The following SGCZ variants were observed in gnomAD, a reference collection of about 807,000 sequenced individuals.
SGCZ encodes the protein sarcoglycan zeta, also known as zeta-sarcoglycan.
In SGCZ, 40 loss-of-function variants were observed where a neutral mutation model predicts 41.3. The ratio of observed to expected loss-of-function variants is 0.97; its 90% CI spans 0.75 to 1.26. SGCZ has a LOEUF of 1.26. Ranked by LOEUF, SGCZ falls within the 50% of genes most tolerant of loss-of-function variation. The pLI is 0.00. For synonymous variants in SGCZ, 206 were observed against 137.5 expected, an observed-to-expected ratio of 1.50 and a Z score of -3.49; for missense variants, 552 against 369.8, an observed-to-expected ratio of 1.49 and a Z score of -4.04.
In SGCZ at chr8:14,741,570, T is replaced by C. The variant is rs142462889; in HGVS notation, c.40-186644A>G. ...TTACATTCAAAACATTAACAAGCTG[T>C]TATTTTACAGAACTGCTAAATGTAT... On this transcript the variant is annotated intron_variant, in intron 1 of 7. Coordinates refer to ENST00000382080, the MANE Select transcript of SGCZ (RefSeq NM_139167.4). Among the ~76,000 whole-genome samples, 457 of 152,228 alleles carry C rather than the reference T, an allele frequency of 3.0e-3. 2 individuals carry two copies. The highest frequency in any genetic ancestry group is 0.01 in the African/African-American group (434 of 41,574).
chr8:14,210,180 C>T (rs1805756344), intron 4 of SGCZ, among the ~76,000 whole-genome samples: 1 of 152,270 alleles, frequency 6.6e-6, no homozygotes, highest in South Asian at 2.1e-4. Flanking sequence ...GCCTCAGCCT[C>T]CCAAGTAGCT....
chr8:14,682,526 C>G (rs1808481345), intron 1 of SGCZ, among the ~76,000 whole-genome samples: 1 of 151,666 alleles, frequency 6.6e-6, no homozygotes, highest in South Asian at 2.1e-4. Flanking sequence ...TCTCCGCCTC[C>G]CGGGTTCACG....
chr8:14,613,426 A>G (rs898425085), intron 1 of SGCZ, among the ~76,000 whole-genome samples: 2 of 152,168 alleles, frequency 1.3e-5, no homozygotes, highest in African/African-American at 4.8e-5. Flanking sequence ...TCTTAGATAA[A>G]ATCTATAAAT....
intron 1 of SGCZ, among the ~76,000 whole-genome samples, chr8:15,153,205 G>C (rs1799231737): frequency 6.6e-6 from 1 of 152,074 alleles, no homozygotes; most frequent in Admixed American, 6.6e-5. Flanking sequence ...AAAGCCATCA[G>C]GGATTAATTC....
intron 1 of SGCZ, among the ~76,000 whole-genome samples, chr8:14,618,943 G>T (rs993448633): frequency 6.6e-6 from 1 of 152,114 alleles, no homozygotes; most frequent in African/African-American, 2.4e-5. Flanking sequence ...AATAGGAAGA[G>T]AACATGTTTT....
intron 1 of SGCZ, among the ~76,000 whole-genome samples, chr8:15,112,274 C>T (rs1807098898): frequency 1.3e-5 from 2 of 152,148 alleles, no homozygotes; most frequent in Admixed American, 1.3e-4. Flanking sequence ...CTTTAATTTC[C>T]CTTCATGATT....
In SGCZ at chr8:14,327,570, T is replaced by C. The variant is rs548263519; in HGVS notation, c.235-3366A>G. On this transcript the variant is annotated intron_variant, in intron 2 of 7. Coordinates refer to ENST00000382080, the MANE Select transcript of SGCZ (RefSeq NM_139167.4). ...ATTTCAATATTAATACTAAAAAATGTTCTGATGAGATGGCTGGAAATAAGA... is the reference window on the plus strand; with the variant it reads ...ATTTCAATATTAATACTAAAAAATGCTCTGATGAGATGGCTGGAAATAAGA... 8.3e-4 allele frequency among the ~76,000 whole-genome samples: 126 copies of C among 152,196 alleles called. 1 individual carries two copies. Among genetic ancestry groups the C allele is most frequent in the Non-Finnish European group, 7.6e-4 (52 of 68,040 alleles).
At chr8:14,387,096 A>G (rs1168298656) in intron 2 of SGCZ, among the ~76,000 whole-genome samples, 1 of 152,172 alleles carries the variant, frequency 6.6e-6, no homozygotes, top group Non-Finnish European at 1.5e-5. Flanking sequence ...ACAGGGTCTC[A>G]CTCTTTGGCT....
At chr8:14,843,248 T>C (rs1802987987) in intron 1 of SGCZ, among the ~76,000 whole-genome samples, 1 of 152,078 alleles carries the variant, frequency 6.6e-6, no homozygotes, top group Non-Finnish European at 1.5e-5. Flanking sequence ...TCTATGTACA[T>C]AGATATTTTA....
chr8:15,107,556 G>C (rs1372608723), intron 1 of SGCZ, among the ~76,000 whole-genome samples: 1 of 152,152 alleles, frequency 6.6e-6, no homozygotes, highest in East Asian at 1.9e-4. Context: ...ACCATGACTA[G>C]AATCAGCATG....
At chr8:14,491,170 G>A (rs186012248) in intron 2 of SGCZ, among the ~76,000 whole-genome samples, 1 of 152,152 alleles carries the variant, frequency 6.6e-6, no homozygotes, top group African/African-American at 2.4e-5. Flanking sequence ...TATGAAGCAG[G>A]TATGTAGGAA....
intron 5 of SGCZ, among the ~76,000 whole-genome samples, chr8:14,125,517 AGAAG>A (rs1430849938): frequency 9.9e-6 from 1 of 100,920 alleles, no homozygotes; most frequent in Non-Finnish European, 2.0e-5. Flanking sequence ...AAAAAAAAAA[AGAAG>A]AAGAATCACT....
intron 1 of SGCZ, among the ~76,000 whole-genome samples, chr8:15,184,217 G>T (rs1467408269): frequency 6.6e-6 from 1 of 152,046 alleles, no homozygotes; most frequent in Non-Finnish European, 1.5e-5. Context: ...GTCACTAGTA[G>T]AACTTCTGGT....
intron 1 of SGCZ, among the ~76,000 whole-genome samples, chr8:14,871,255 G>T (rs1038839398): frequency 6.6e-6 from 1 of 151,962 alleles, no homozygotes; most frequent in African/African-American, 2.4e-5. Flanking sequence ...GAGAGAATGT[G>T]GAGAAACAGG....
At chr8:14,693,877 C>G (rs528096023) in intron 1 of SGCZ, among the ~76,000 whole-genome samples, 1 of 152,208 alleles carries the variant, frequency 6.6e-6, no homozygotes, top group South Asian at 2.1e-4. Context: ...TAGGCCTGAG[C>G]CACCATGTCT....
At chr8:14,112,070 G>C (rs1410019292) in intron 5 of SGCZ, among the ~76,000 whole-genome samples, 1 of 152,048 alleles carries the variant, frequency 6.6e-6, no homozygotes, top group Admixed American at 6.6e-5. Flanking sequence ...CAGAAGAAGA[G>C]GTAGCACAAG....
intron 1 of SGCZ, among the ~76,000 whole-genome samples, chr8:14,826,039 T>G (rs1458644214): frequency 1.3e-5 from 2 of 151,826 alleles, no homozygotes; most frequent in Non-Finnish European, 2.9e-5. Flanking sequence ...CTGCACCCAT[T>G]AACTAGTCAT....
At chr8:14,418,457 T>A (rs1355298490) in intron 2 of SGCZ, among the ~76,000 whole-genome samples, 1 of 151,956 alleles carries the variant, frequency 6.6e-6, no homozygotes, top group Non-Finnish European at 1.5e-5. Context: ...GTATTTGTCT[T>A]GCTGTCAGGA....
chr8:15,198,977 A>T (rs910488812), intron 1 of SGCZ, among the ~76,000 whole-genome samples: 12 of 152,236 alleles, frequency 7.9e-5, no homozygotes, highest in Non-Finnish European at 1.5e-4. Context: ...TTCTTAACAC[A>T]TCAAGTAACT....
Sources: gnomAD v4.1 joint callset for allele counts (sites outside exome capture counted in the v4.1 genomes callset) on GRCh38, gnomAD v4.1.1 for gene constraint, MANE v1.5 for transcripts, NCBI Gene and HGNC (gene_info 2026-07-23, HGNC 2026-07-21) for gene names.